SPART: variants seen among roughly 807,000 people sequenced by gnomAD.
SPART encodes the protein spastic paraplegia 20 (Troyer syndrome).
A neutral mutation model predicts 58.7 loss-of-function variants in SPART; 35 were observed. That is an observed-to-expected ratio of 0.60 (90% CI 0.46 to 0.79). SPART has a LOEUF of 0.79. Among genes scored for constraint, SPART ranks in the 30% least tolerant of loss-of-function variants. SPART has a pLI of 0.00. For missense variants in SPART, 730 were observed against 786.1 expected, an observed-to-expected ratio of 0.93 and a Z score of 0.85; for synonymous variants, 284 against 280.7, an observed-to-expected ratio of 1.01 and a Z score of -0.12.
chr13:36,345,225 A>G lies in SPART; in HGVS notation c.-3+1000T>C, dbSNP rs544033860. 3.9e-5 allele frequency among the ~76,000 whole-genome samples: 6 copies of G among 152,340 alleles called. No homozygotes were observed. In the East Asian group the frequency reaches 9.7e-4, roughly 25 times the overall value. On this transcript the variant is annotated intron_variant, in intron 1 of 8. Coordinates refer to ENST00000438666, the MANE Select transcript of SPART (RefSeq NM_015087.5). ...AGCATCCCGCTCATTCTAGCTTCTT[A>G]GGGAAACCATAGACAACGACGTTTC...
chr13:36,302,801 G>A lies in SPART; in HGVS notation c.*1564C>T, dbSNP rs1318312858. 6.6e-6 allele frequency: 1 copy of A among 152,128 alleles called. No homozygotes were observed. Among genetic ancestry groups the A allele is most frequent in the Non-Finnish European group, 1.5e-5 (1 of 68,014 alleles). 9.4% of individuals were successfully genotyped at this position (152,128 alleles called of 1,614,324 possible). A position where few individuals can be genotyped will look rare whatever the true frequency, so the allele number is the denominator to read the frequency against. On this transcript the variant is annotated 3_prime_UTR_variant, in exon 9 of 9. Transcript: ENST00000438666. ...AGTTATTGTTGACTGTAGTCACCCTGTTGGGCTATCAAATACTACAACAAA... is the reference window on the plus strand; with the variant it reads ...AGTTATTGTTGACTGTAGTCACCCTATTGGGCTATCAAATACTACAACAAA...
At chr13:36,327,023 T>C (rs981571990) in intron 4 of SPART, among the ~76,000 whole-genome samples, 14 of 152,174 alleles carry the variant, frequency 9.2e-5, no homozygotes, top group Non-Finnish European at 2.1e-4. Context: ...CATCCCTAGA[T>C]ATTAGTGTGC....
intron 1 of SPART, chr13:36,365,664 A>C: frequency 4.4e-6 from 2 of 456,428 alleles, no homozygotes. Flanking sequence ...AGGGTGAGGA[A>C]TTTTAATTTG....
chr13:36,368,217 G>A (rs1286818809), intron 1 of SPART: 1 of 465,780 alleles, frequency 2.1e-6, no homozygotes. Flanking sequence ...CACTATATGA[G>A]CTGCTGAGGA....
intron 8 of SPART, among the ~76,000 whole-genome samples, 158 bp from the exon 9 acceptor site, chr13:36,304,790 G>C (rs145153876): frequency 2.6e-5 from 4 of 152,160 alleles, no homozygotes; most frequent in East Asian, 3.9e-4. Flanking sequence ...ACACAGTAGA[G>C]AATGAAATCA....
At chr13:36,310,487 T>C (rs1057426065) in intron 8 of SPART, among the ~76,000 whole-genome samples, 1 of 152,180 alleles carries the variant, frequency 6.6e-6, no homozygotes, top group Non-Finnish European at 1.5e-5. Flanking sequence ...AAATTTGTTA[T>C]ATAGTTGTTG....
intron 1 of SPART, among the ~76,000 whole-genome samples, chr13:36,351,451 T>C (rs966897252): frequency 3.3e-5 from 5 of 152,218 alleles, no homozygotes; most frequent in African/African-American, 1.2e-4. Flanking sequence ...TCTGTCTTCC[T>C]TAAGATTGAT....
intron 5 of SPART, among the ~76,000 whole-genome samples, chr13:36,318,929 G>A (rs1289209500): frequency 6.6e-6 from 1 of 151,944 alleles, no homozygotes; most frequent in Non-Finnish European, 1.5e-5. Context: ...GACACTGCCC[G>A]ATCGCCTCGG....
At chr13:36,324,056 G>A (rs1014564666) in intron 5 of SPART, among the ~76,000 whole-genome samples, 1 of 152,182 alleles carries the variant, frequency 6.6e-6, no homozygotes, top group African/African-American at 2.4e-5. Flanking sequence ...GGAGGCCTGA[G>A]ATTTAGTGGC....
In SPART at chr13:36,326,605, T is replaced by A; in HGVS notation, c.1258A>T (p.Ser420Cys). The A allele has an allele frequency of 1.2e-6, 2 of 1,613,556 alleles. No individual in the cohort carries two copies. Among genetic ancestry groups the A allele is most frequent in the South Asian group, 2.2e-5 (2 of 91,072 alleles). ...EEKPKELPEW[S>C]EKVAHNILSG... ...AAAATGTTGTGAGCCACTTTTTCAC[T>A]CCATTCAGGTAATTCTTTTGGCTTT... Residue 420 changes from serine to cysteine, a missense_variant, in exon 5 of 9, where the codon AGT (serine) becomes TGT (cysteine). Physicochemically the swap from Ser to Cys is moderately radical, Grantham distance 112. Transcript: ENST00000438666.
At chr13:36,324,166 G>C (rs1018956112) in intron 5 of SPART, among the ~76,000 whole-genome samples, 1 of 152,194 alleles carries the variant, frequency 6.6e-6, no homozygotes, top group East Asian at 1.9e-4. Flanking sequence ...GAGGGAAGTG[G>C]GGTCTATGTC....
intron 1 of SPART, among the ~76,000 whole-genome samples, chr13:36,340,574 C>T (rs1593273613): frequency 6.6e-6 from 1 of 152,076 alleles, no homozygotes; most frequent in South Asian, 2.1e-4. Context: ...GTAAAAATAG[C>T]TTCTAAACCC....
upstream of SPART, among the ~76,000 whole-genome samples, chr13:36,349,726 C>T (rs1217181761): frequency 1.3e-5 from 2 of 152,104 alleles, no homozygotes; most frequent in African/African-American, 2.4e-5. Flanking sequence ...ATAAACTATG[C>T]TAGAGGAAAA....
At chr13:36,348,120 A>G (rs1472264878), upstream of SPART, among the ~76,000 whole-genome samples, 16 of 151,982 alleles carry the variant, frequency 1.1e-4, no homozygotes, top group African/African-American at 3.6e-4. Flanking sequence ...ACCCGTCCCT[A>G]CAAAAAAACA....
At chr13:36,325,174 T>A (rs984726642) in intron 5 of SPART, among the ~76,000 whole-genome samples, 1 of 152,158 alleles carries the variant, frequency 6.6e-6, no homozygotes, top group African/African-American at 2.4e-5. Context: ...TTGAATTTAG[T>A]GTGTTGGGGT....
intron 1 of SPART, among the ~76,000 whole-genome samples, chr13:36,364,842 C>T (rs1566151500): frequency 6.6e-6 from 1 of 152,182 alleles, no homozygotes; most frequent in Non-Finnish European, 1.5e-5. Flanking sequence ...TTACCTCTTG[C>T]TGTGTTTTAA....
upstream of SPART, among the ~76,000 whole-genome samples, chr13:36,348,613 GA>G (rs1885289986): frequency 6.6e-6 from 1 of 152,054 alleles, no homozygotes; most frequent in Non-Finnish European, 1.5e-5. Flanking sequence ...ATATTATCAA[GA>G]AGAATAAAAT....
intron 5 of SPART, among the ~76,000 whole-genome samples, chr13:36,317,319 C>T (rs968517279): frequency 9.2e-5 from 14 of 152,014 alleles, no homozygotes; most frequent in Admixed American, 7.9e-4. Context: ...GCAAGTACCC[C>T]TCAACCCCTT....
intron 1 of SPART, among the ~76,000 whole-genome samples, chr13:36,366,705 C>T (rs948116154): frequency 1.3e-5 from 2 of 152,112 alleles, no homozygotes; most frequent in African/African-American, 2.4e-5. Context: ...TGTCTCTGTA[C>T]GGGGGAATTT....
Sources: allele counts gnomAD v4.1 joint callset (sites outside exome capture counted in the v4.1 genomes callset), GRCh38; gene constraint gnomAD v4.1.1; transcripts MANE v1.5; gene names NCBI Gene and HGNC (gene_info 2026-07-23, HGNC 2026-07-21).